Variants in ZNF431 observed in about 807,000 individuals in gnomAD.
The protein encoded by ZNF431 is zinc finger protein 431.
In ZNF431, 34 loss-of-function variants were observed where a neutral mutation model predicts 57.0. The ratio of observed to expected loss-of-function variants is 0.60; its 90% CI spans 0.45 to 0.79. ZNF431 has a LOEUF of 0.79. ZNF431 is among the 30% of genes least tolerant of loss of function. ZNF431 has a pLI of 0.00. For missense variants in ZNF431, 607 were observed against 667.1 expected (o/e 0.91, Z 0.99); for synonymous variants, 207 against 220.3 (o/e 0.94, Z 0.54).
chr19:21,182,570 A>G (rs1971234824), intron 4 of ZNF431, 53 bp from the exon 5 acceptor site: 4 of 1,515,862 alleles, frequency 2.6e-6, no homozygotes, highest in Non-Finnish European at 3.5e-6. Context: ...TTTGTAAAGT[A>G]TGTTTATCAG....
chr19:21,185,290 A>T lies in ZNF431; in HGVS notation c.*1256A>T, dbSNP rs898786530. 6.6e-6 allele frequency: 1 copy of T among 152,228 alleles called. No homozygotes were observed. Among genetic ancestry groups the T allele is most frequent in the Non-Finnish European group, 1.5e-5 (1 of 68,036 alleles). 9.4% of individuals were successfully genotyped at this position (152,228 alleles called of 1,614,324 possible). A position where few individuals can be genotyped will look rare whatever the true frequency, so the allele number is the denominator to read the frequency against. On this transcript the variant is annotated 3_prime_UTR_variant, in exon 5 of 5. Transcript: ENST00000311048. ...AGGTTTTTTGCAGAGTTATAATTACATTCAAAGTATACTTTATTTCTTGAA... is the reference window on the plus strand; with the variant it reads ...AGGTTTTTTGCAGAGTTATAATTACTTTCAAAGTATACTTTATTTCTTGAA...
At chr19:21,167,851 A>G (rs1365128762) in intron 4 of ZNF431, among the ~76,000 whole-genome samples, 185 bp downstream of exon 4, 1 of 152,184 alleles carries the variant, frequency 6.6e-6, no homozygotes, top group Non-Finnish European at 1.5e-5. Flanking sequence ...TATGCTTTTA[A>G]ATTCTCTAAG....
rs1228294553 is a variant in ZNF431 at position 21,185,090 on chromosome 19, A to T, written c.*1056A>T. On this transcript the variant is annotated 3_prime_UTR_variant, in exon 5 of 5. Transcript: ENST00000311048. ...ACTAGAATATATTTTTTCCAGATGC[A>T]GTAAAAGTAAAATATTTAATCCATA... is the stretch of plus-strand genomic sequence containing the variant. The T allele has an allele frequency of 6.6e-6, 1 of 152,206 alleles. No individual in the cohort carries two copies. The highest frequency in any genetic ancestry group is 2.4e-5 in the African/African-American group (1 of 41,462). The allele number at this position is 152,206 out of a possible 1,614,324, so 9.4% of individuals were successfully genotyped here.
chr19:21,162,230 G>A (rs1970592531), intron 2 of ZNF431, among the ~76,000 whole-genome samples: 1 of 151,892 alleles, frequency 6.6e-6, no homozygotes, highest in South Asian at 2.1e-4. Flanking sequence ...CTGGAATGCA[G>A]TGGCATGATC....
intron 2 of ZNF431, among the ~76,000 whole-genome samples, chr19:21,162,086 TG>T (rs1050791533): frequency 1.2e-4 from 18 of 151,952 alleles, no homozygotes; most frequent in Admixed American, 9.9e-4. Context: ...AAGTAATTCT[TG>T]TGCCTCAGCC....
At chr19:21,174,617 A>AT (rs753210006) in intron 4 of ZNF431, among the ~76,000 whole-genome samples, 10 of 152,078 alleles carry the variant, frequency 6.6e-5, no homozygotes, top group Non-Finnish European at 1.0e-4. Context: ...TGGAATATAG[A>AT]TTTTTTCAGT....
intron 2 of ZNF431, among the ~76,000 whole-genome samples, chr19:21,147,249 G>T (rs1970126720): frequency 6.6e-6 from 1 of 152,078 alleles, no homozygotes; most frequent in African/African-American, 2.4e-5. Flanking sequence ...CCCTTTGGGA[G>T]GCCAAGGCAG....
rs1414247441 is a variant in ZNF431, at chr19:21,191,275, A to G, written c.*7241A>G. On this transcript the variant is annotated 3_prime_UTR_variant, in exon 5 of 5. Transcript: ENST00000311048. ...CGAGACCAGCCTGACCAACATGGTG[A>G]AATCCTGTCTCTACTAAAAATACAA... 2 of 152,268 alleles carry G rather than the reference A, an allele frequency of 1.3e-5. No individual in the cohort carries two copies. Among genetic ancestry groups the G allele is most frequent in the East Asian group, 3.9e-4 (2 of 5,146 alleles). The allele number at this position is 152,268 out of a possible 1,614,324, so 9.4% of individuals were successfully genotyped here. A position where few individuals can be genotyped will look rare whatever the true frequency, so the allele number is the denominator to read the frequency against.
rs1320834889 is a variant in ZNF431, at chr19:21,184,333, A to C, written c.*299A>C. 4.4e-6 allele frequency: 1 copy of C among 225,116 alleles called. No homozygotes were observed. Among genetic ancestry groups the C allele is most frequent in the East Asian group, 9.4e-5 (1 of 10,586 alleles). The allele number at this position is 225,116 out of a possible 1,614,324, so 13.9% of individuals were successfully genotyped here. On this transcript the variant is annotated 3_prime_UTR_variant, in exon 5 of 5. Transcript: ENST00000311048. The stretch of plus-strand genomic sequence containing the variant: ...CCACTGCACTCCAGTTTGGCAACAG[A>C]GTGAGACTCCGTCTCAAAAAAAATT...
intron 4 of ZNF431, among the ~76,000 whole-genome samples, chr19:21,178,485 C>T (rs1296404621): frequency 1.3e-5 from 2 of 151,964 alleles, no homozygotes; most frequent in South Asian, 2.1e-4. Context: ...TCATGAATAC[C>T]TTGTTTATTG....
intron 4 of ZNF431, 89 bp from the exon 5 acceptor site, chr19:21,182,534 A>G (rs1199381656): frequency 7.4e-6 from 10 of 1,348,686 alleles, no homozygotes; most frequent in South Asian, 1.6e-5. Context: ...CATCTTGTTT[A>G]TGTAGTTTGT....
chr19:21,188,148 C>T lies in ZNF431; in HGVS notation c.*4114C>T, dbSNP rs953812534. 6.6e-6 allele frequency: 1 copy of T among 151,986 alleles called. No individual in the cohort carries two copies. The allele number at this position is 151,986 out of a possible 1,614,324, so 9.4% of individuals were successfully genotyped here. The stretch of plus-strand genomic sequence containing the variant: ...TGACGCACGCCTGTAATCCCAGCTA[C>T]TCGGAAGGCCGAGGGAGCAGAATCG... On this transcript the variant is annotated 3_prime_UTR_variant, in exon 5 of 5. Coordinates refer to ENST00000311048, the MANE Select transcript of ZNF431 (RefSeq NM_133473.4).
Position 21,188,781 on chromosome 19 carries a change from G to T in ZNF431, c.*4747G>T, listed in dbSNP as rs910666875. ...TACTTTGCATGCAAACTAGTTTACT[G>T]TGTTCACAGAGTGGCCAGTCATGGG... On this transcript the variant is annotated 3_prime_UTR_variant, in exon 5 of 5. Transcript: ENST00000311048. 1 of 152,156 alleles carries T rather than the reference G, an allele frequency of 6.6e-6. No homozygotes were observed. The highest frequency in any genetic ancestry group is 1.5e-5 in the Non-Finnish European group (1 of 68,032). 9.4% of individuals were successfully genotyped at this position (152,156 alleles called of 1,614,324 possible).
Position 21,183,148 on chromosome 19 carries a change from A to T in ZNF431, c.845A>T (p.His282Leu). 1 of 1,614,022 alleles carries T rather than the reference A, an allele frequency of 6.2e-7. No homozygotes were observed. ...SSTLTTHKII[H>L]TGEKPYRCEE... is the part of the protein sequence containing the mutation. Reference sequence around the variant, plus strand: ...ACCCTTACTACACATAAGATAATTCATACTGGGGAGAAACCATATAGATGT... The same window carrying T: ...ACCCTTACTACACATAAGATAATTCTTACTGGGGAGAAACCATATAGATGT... Residue 282 changes from histidine (H) to leucine (L), a missense_variant, in exon 5 of 5, where the codon CAT becomes CTT. Physicochemically the swap from His to Leu is moderately conservative, Grantham distance 99 (BLOSUM62 -3). Transcript: ENST00000311048.
intron 2 of ZNF431, among the ~76,000 whole-genome samples, chr19:21,164,968 G>A (rs990678132): frequency 6.6e-6 from 1 of 151,566 alleles, no homozygotes; most frequent in Non-Finnish European, 1.5e-5. Flanking sequence ...AAATTAGACA[G>A]GCATGGTAGC....
intron 4 of ZNF431, among the ~76,000 whole-genome samples, chr19:21,179,033 C>T (rs1305355325): frequency 1.3e-5 from 2 of 152,030 alleles, no homozygotes; most frequent in African/African-American, 4.8e-5. Flanking sequence ...CTGTTCCCGC[C>T]TCAATTTCAG....
At chr19:21,174,941 T>G (rs1341005036) in intron 4 of ZNF431, among the ~76,000 whole-genome samples, 1 of 152,132 alleles carries the variant, frequency 6.6e-6, no homozygotes, top group African/African-American at 2.4e-5. Flanking sequence ...TTTGTATTTT[T>G]AGTAGAGACG....
intron 4 of ZNF431, among the ~76,000 whole-genome samples, chr19:21,172,141 A>ACG (rs1599606565): frequency 6.6e-6 from 1 of 151,026 alleles, no homozygotes; most frequent in South Asian, 2.1e-4. Flanking sequence ...TTGTAAAAAC[A>ACG]TAACAGGCCA....
chr19:21,177,961 C>A (rs1216759090), intron 4 of ZNF431, among the ~76,000 whole-genome samples: 1 of 151,150 alleles, frequency 6.6e-6, no homozygotes, highest in Non-Finnish European at 1.5e-5. Flanking sequence ...TTCTTTCTAT[C>A]TTTTTTATTT....
Sources: allele counts gnomAD v4.1 joint callset (sites outside exome capture counted in the v4.1 genomes callset), GRCh38; gene constraint gnomAD v4.1.1; transcripts MANE v1.5; gene names NCBI Gene and HGNC (gene_info 2026-07-23, HGNC 2026-07-21).